PLXNB3: variants seen among roughly 807,000 people sequenced by gnomAD.
PLXNB3 encodes plexin-B3.
A neutral mutation model predicts 125.7 loss-of-function variants in PLXNB3; 80 were observed. The ratio of observed to expected loss-of-function variants is 0.64; its 90% confidence interval spans 0.53 to 0.77. The LOEUF is 0.77. PLXNB3 is among the 30% of genes least tolerant of loss of function. The pLI is 0.00. For missense variants in PLXNB3, 1,836 were observed against 1,729.3 expected (o/e 1.06, Z -1.09); for synonymous variants, 954 against 783.3 (o/e 1.22, Z -3.64).
rs781827670 is a variant in PLXNB3, at chrX:153,767,587, C to G, written c.760C>G (p.Arg254Gly). ...CTTCGTGTTCCGCCGCCGCGGGGCC[C>G]GGGCCCAGGCTGAGTACCGCTCCTA... is the stretch of plus-strand genomic sequence containing the variant. ...AYFVFRRRGA[R>G]AQAEYRSYVA... is the part of the protein sequence containing the mutation. Residue 254 changes from arginine to glycine, a missense_variant, in exon 3 of 36, where the codon CGG becomes GGG. By Grantham distance (125) the Arg-to-Gly change is moderately radical. Transcript: ENST00000361971. 8.5e-6 allele frequency: 10 copies of G among 1,175,639 alleles called. No individual in the cohort carries two copies. The highest frequency in any genetic ancestry group is 1.8e-5 in the African/African-American group (1 of 57,055).
chrX:153,773,650 G>T lies in PLXNB3; in HGVS notation c.3216G>T (p.Arg1072Ser). 2.5e-6 allele frequency: 3 copies of T among 1,187,863 alleles called. No individual in the cohort carries two copies. The highest frequency in any genetic ancestry group is 3.4e-6 in the Non-Finnish European group (3 of 884,023). ...AGCCCCAGGACCCACAGCCAAGGAGGAGCTGTGGAGCCCCTGCTGCGGACC... is the reference window on the plus strand; with the variant it reads ...AGCCCCAGGACCCACAGCCAAGGAGTAGCTGTGGAGCCCCTGCTGCGGACC... ...RAQPQDPQPRRSCGAPAADPQ... is the reference protein window; with the variant it reads ...RAQPQDPQPRSSCGAPAADPQ... The change falls in exon 19 of 36, where the codon AGG becomes AGT. Residue 1072 changes from arginine (R) to serine (S), a missense_variant. Coordinates refer to ENST00000361971, the MANE Select transcript of PLXNB3 (RefSeq NM_005393.3).
At chrX:153,771,720 C>T in intron 14 of PLXNB3, 65 bp downstream of exon 14, 1 of 1,127,536 alleles carries the variant, frequency 8.9e-7, no homozygotes, top group Non-Finnish European at 1.2e-6. Context: ...CTGTCCTGTC[C>T]TCCGTGATCA....
At chrX:153,769,406 C>T (rs2091897953) in intron 6 of PLXNB3, 144 bp downstream of exon 6, 1 of 480,898 alleles carries the variant, frequency 2.1e-6, no homozygotes, top group African/African-American at 2.4e-5. Context: ...ACCCATCCTG[C>T]CCCATCTCAC....
At chrX:153,768,759 G>A (rs1274654356) in intron 4 of PLXNB3, among the ~76,000 whole-genome samples, 189 bp from the exon 5 acceptor site, 1 of 112,393 alleles carries the variant, frequency 8.9e-6, no homozygotes, top group Non-Finnish European at 1.9e-5. Flanking sequence ...CTGCCCCGGT[G>A]TCATGGTTCC....
At chrX:153,770,288 G>C (rs782252832) in intron 8 of PLXNB3, 40 bp downstream of exon 8, 3 of 1,203,023 alleles carry the variant, frequency 2.5e-6, no homozygotes, top group Non-Finnish European at 3.4e-6. Context: ...ATGGAGGCTG[G>C]AGGGGTAATG....
chrX:153,770,593 A>C lies in PLXNB3; in HGVS notation c.1961A>C (p.Tyr654Ser), dbSNP rs181891775. The C allele has an allele frequency of 8.3e-7, 1 of 1,211,393 alleles. No individual in the cohort carries two copies. The highest frequency in any genetic ancestry group is 1.8e-5 in the South Asian group (1 of 57,013). Reference protein sequence around the residue: ...HWCPQSSHCVYGEHCPEGERT... With the variant: ...HWCPQSSHCVSGEHCPEGERT... ...TGCCCGCAGAGTAGCCACTGCGTGTACGGAGAGCACTGCCCAGAGGGCGAG... is the reference window on the plus strand; with the variant it reads ...TGCCCGCAGAGTAGCCACTGCGTGTCCGGAGAGCACTGCCCAGAGGGCGAG... Residue 654 changes from tyrosine (Y) to serine (S), a missense_variant, in exon 10 of 36, where the codon TAC becomes TCC. Tyr to Ser is a moderately radical substitution (Grantham distance 144). Coordinates refer to ENST00000361971, the MANE Select transcript of PLXNB3 (RefSeq NM_005393.3).
chrX:153,770,716 G>A, intron 10 of PLXNB3, 42 bp from the exon 11 acceptor site: 1 of 1,205,741 alleles, frequency 8.3e-7, no homozygotes, highest in Non-Finnish European at 1.1e-6. Context: ...CCAGCAGTAG[G>A]CCCTTTGAGT....
At position 153,773,518 on chromosome X, in the gene PLXNB3, G is replaced by C. The variant is rs1557062754; in HGVS notation, c.3084G>C (p.Gly1028=). Residue 1028 remains glycine (G), a splice_region_variant and synonymous_variant, in exon 19 of 36, where the codon GGG becomes GGC. Coordinates refer to ENST00000361971, the MANE Select transcript of PLXNB3 (RefSeq NM_005393.3). ...VAAEPSASFR[G]GGRLIRVRGT... ...ACACCCGACTGCCATCCTGGTACAG[G>C]GGTGGGCGACTGATCCGTGTCAGGG... 2.3e-5 allele frequency: 27 copies of C among 1,195,297 alleles called. No homozygotes were observed. The highest frequency in any genetic ancestry group is 3.6e-5 in the South Asian group (2 of 54,956).
intron 14 of PLXNB3, 90 bp downstream of exon 14, chrX:153,771,745 C>CA: frequency 8.9e-7 from 1 of 1,126,435 alleles, no homozygotes; most frequent in African/African-American, 1.8e-5. Context: ...AGCCCTGCCC[C>CA]AGGCCCCCAA....
chrX:153,765,975 C>G, intron 2 of PLXNB3: 1 of 753,776 alleles, frequency 1.3e-6, no homozygotes, highest in Non-Finnish European at 1.6e-6. Context: ...CCCCTCCCTG[C>G]CCCTTCCCTG....
chrX:153,773,989 G>C lies in PLXNB3; in HGVS notation c.3410G>C (p.Ser1137Thr). The C allele has an allele frequency of 8.3e-7, 1 of 1,208,590 alleles. No homozygotes were observed. Residue 1137 changes from serine (S) to threonine (T), a missense_variant, in exon 20 of 36, where the codon AGT becomes ACT. Coordinates refer to ENST00000361971, the MANE Select transcript of PLXNB3 (RefSeq NM_005393.3). The part of the protein sequence containing the change: ...DNVQVDFASA[S>T]GGQGFLYQPN... The stretch of plus-strand genomic sequence containing the variant: ...GTGCAAGTGGACTTCGCCAGTGCCA[G>C]TGGGGGCCAGGGCTTCCTGTACCAG...
At chrX:153,766,530 C>G (rs782719344) in intron 2 of PLXNB3, 64 of 1,019,670 alleles carry the variant, frequency 6.3e-5, no homozygotes, top group Non-Finnish European at 7.3e-5. Flanking sequence ...CCTCTGTTAG[C>G]GCTCTTGCGG....
Position 153,775,235 on chromosome X carries a change from C to A in PLXNB3, c.4166C>A (p.Thr1389Asn). The stretch of plus-strand genomic sequence containing the variant: ...CCGACCCCTGCTCAGCTCATCCACA[C>A]CCTGGAGGAGCAGCCCAGCTTTTCC... ...SKLFLLTLIH[T>N]LEEQPSFSQR... The change falls in exon 25 of 36, where the codon ACC (threonine) becomes AAC (asparagine). Residue 1389 changes from threonine to asparagine, a missense_variant. Thr to Asn is a moderately conservative substitution (Grantham distance 65, BLOSUM62 0). Coordinates refer to ENST00000361971, the MANE Select transcript of PLXNB3 (RefSeq NM_005393.3). 1 of 1,186,666 alleles carries A rather than the reference C, an allele frequency of 8.4e-7. No homozygotes were observed. The highest frequency in any genetic ancestry group is 1.1e-6 in the Non-Finnish European group (1 of 883,168).
intron 17 of PLXNB3, 75 bp downstream of exon 17, chrX:153,773,091 G>A (rs2091950906): frequency 2.8e-6 from 3 of 1,075,005 alleles, no homozygotes; most frequent in East Asian, 3.1e-5. Flanking sequence ...ATTTAGAGAA[G>A]TGGTTGCTGT....
chrX:153,775,970 C>A lies in PLXNB3; in HGVS notation c.4485C>A (p.Gly1495=), dbSNP rs782529154. ...VDKGPVDAVT[G]KAKRTLNDSR... Reference sequence around the variant, plus strand: ...AAGGCCCCGTGGACGCCGTGACAGGCAAGGCCAAACGGACCCTGAATGATA... The same window carrying A: ...AAGGCCCCGTGGACGCCGTGACAGGAAAGGCCAAACGGACCCTGAATGATA... Residue 1495 remains glycine, a synonymous_variant, in exon 27 of 36, where the codon GGC becomes GGA. Coordinates refer to ENST00000361971, the MANE Select transcript of PLXNB3 (RefSeq NM_005393.3). 5.3e-5 allele frequency: 64 copies of A among 1,210,094 alleles called. 1 individual carries two copies. The South Asian group carries it at 1.1e-3, about 20-fold the overall frequency.
Position 153,776,444 on chromosome X carries a change from C to G in PLXNB3, c.4818C>G (p.Thr1606=), listed in dbSNP as rs782340694. 3.6e-6 allele frequency: 4 copies of G among 1,109,788 alleles called. No individual in the cohort carries two copies. Among genetic ancestry groups the G allele is most frequent in the Non-Finnish European group, 4.9e-6 (4 of 818,775 alleles). The allele number at this position is 1,109,788 out of a possible 1,213,427, so 91.5% of individuals were successfully genotyped here. ...AAAACCACTGGAAGAGACTCAACAC[C>G]TTGCAACACTACAAGGTGTGAGCAG... The part of the protein sequence containing the change: ...VTQNHWKRLN[T]LQHYKVPDGA... Residue 1606 remains threonine, a synonymous_variant, in exon 28 of 36, where the codon ACC becomes ACG. Transcript: ENST00000361971.
intron 2 of PLXNB3, chrX:153,765,891 C>T: frequency 1.3e-6 from 1 of 754,311 alleles, no homozygotes; most frequent in Non-Finnish European, 1.6e-6. Flanking sequence ...GAAGGGGCTG[C>T]TCCCACCTCT....
Position 153,770,145 on chromosome X carries a change from T to C in PLXNB3, c.1683T>C (p.His561=), listed in dbSNP as rs782026550. Residue 561 remains histidine, a synonymous_variant, in exon 8 of 36, where the codon CAT becomes CAC. Coordinates refer to ENST00000361971, the MANE Select transcript of PLXNB3 (RefSeq NM_005393.3). ...TCCTGGATGCAGATGAATACTTCCA[T>C]TGTGCGTTCGGGGACTATGACAGCT... The part of the protein sequence containing the change: ...LPILDADEYF[H]CAFGDYDSLA... 1.7e-6 allele frequency: 2 copies of C among 1,211,290 alleles called. No individual in the cohort carries two copies. Among genetic ancestry groups the C allele is most frequent in the Non-Finnish European group, 2.2e-6 (2 of 895,379 alleles).
At chrX:153,768,152 G>C in intron 3 of PLXNB3, 97 bp from the exon 4 acceptor site, 1 of 953,457 alleles carries the variant, frequency 1.0e-6, no homozygotes, top group Non-Finnish European at 1.5e-6. Flanking sequence ...GGTCATCCCA[G>C]GGTGCCTGGC....
Sources: allele counts gnomAD v4.1 joint callset (sites outside exome capture counted in the v4.1 genomes callset), GRCh38; gene constraint gnomAD v4.1.1; transcripts MANE v1.5; gene names NCBI Gene and HGNC (gene_info 2026-07-23, HGNC 2026-07-21).